The following KCNB2 variants were observed in gnomAD, a reference collection of about 807,000 sequenced individuals.
KCNB2 encodes delayed rectifier potassium channel protein.
A neutral mutation model predicts 61.5 loss-of-function variants in KCNB2; 15 were observed. That is an observed-to-expected ratio of 0.24 (90% confidence interval 0.16 to 0.38). The LOEUF is 0.38. Among genes scored for constraint, KCNB2 ranks in the 10% least tolerant of loss-of-function variants. The pLI, the probability that KCNB2 is intolerant of heterozygous loss-of-function variation, is 1.00. For missense variants in KCNB2, 828 were observed against 1,125.2 expected (o/e 0.74, Z 3.78); for synonymous variants, 457 against 446.0 (o/e 1.02, Z -0.31).
At chr8:72,669,015 T>C (rs1806521817) in intron 2 of KCNB2, among the ~76,000 whole-genome samples, 1 of 152,146 alleles carries the variant, frequency 6.6e-6, no homozygotes, top group South Asian at 2.1e-4. Context: ...AATTTGGCAT[T>C]CAAAGGTAAG....
rs1485463947 is a variant in KCNB2, at chr8:72,550,688, T to C, written c.-94+12803T>C. Among the ~76,000 whole-genome samples, 5 of 152,212 alleles carry C rather than the reference T, an allele frequency of 3.3e-5. No individual in the cohort carries two copies. The East Asian group carries it at 7.7e-4, about 23-fold the overall frequency. On this transcript the variant is annotated intron_variant, in intron 1 of 2. Coordinates refer to ENST00000523207, the MANE Select transcript of KCNB2 (RefSeq NM_004770.3). ...AGGTCTTAAGCTATGTGGTTCTTTTTACACTCCCTGCTCCTATTTTCTGAC... is the reference window on the plus strand; with the variant it reads ...AGGTCTTAAGCTATGTGGTTCTTTTCACACTCCCTGCTCCTATTTTCTGAC...
At chr8:72,929,881 T>C (rs1391844537) in intron 2 of KCNB2, among the ~76,000 whole-genome samples, 1 of 151,860 alleles carries the variant, frequency 6.6e-6, no homozygotes, top group African/African-American at 2.4e-5. Context: ...ACATATGCCA[T>C]GTTGGTGTGC....
chr8:72,560,180 C>T (rs1381040049), intron 1 of KCNB2, among the ~76,000 whole-genome samples: 4 of 152,146 alleles, frequency 2.6e-5, no homozygotes, highest in Non-Finnish European at 5.9e-5. Context: ...AGAAATAGTC[C>T]TTGTACATGA....
intron 2 of KCNB2, among the ~76,000 whole-genome samples, chr8:72,595,024 T>A (rs757831459): frequency 6.6e-6 from 1 of 152,152 alleles, no homozygotes; most frequent in Non-Finnish European, 1.5e-5. Flanking sequence ...GGATTGTTCT[T>A]CATAGTTTGA....
At chr8:72,564,567 T>G (rs7815552) in intron 1 of KCNB2, among the ~76,000 whole-genome samples, 4,228 of 152,294 alleles carry the variant, frequency 0.028, 190 homozygotes, top group African/African-American at 0.093. Flanking sequence ...GATTCATCAC[T>G]GGAATTGCCC....
intron 2 of KCNB2, among the ~76,000 whole-genome samples, chr8:72,793,161 G>A (rs1808974029): frequency 6.6e-6 from 1 of 152,154 alleles, no homozygotes; most frequent in African/African-American, 2.4e-5. Flanking sequence ...TCAAGTATTT[G>A]GTGAGAACCT....
intron 2 of KCNB2, among the ~76,000 whole-genome samples, chr8:72,804,893 T>C (rs903226617): frequency 1.2e-4 from 19 of 152,106 alleles, no homozygotes; most frequent in African/African-American, 4.6e-4. Context: ...GAAAAGGAAA[T>C]CCTGGACCCC....
chr8:72,592,951 AAG>A (rs1430609550), intron 2 of KCNB2, among the ~76,000 whole-genome samples: 1 of 152,220 alleles, frequency 6.6e-6, no homozygotes, highest in Non-Finnish European at 1.5e-5. Context: ...AAGCATTTAT[AAG>A]AGAATCTAAG....
intron 2 of KCNB2, among the ~76,000 whole-genome samples, chr8:72,718,364 C>T (rs958173490): frequency 2.0e-5 from 3 of 152,058 alleles, no homozygotes; most frequent in East Asian, 1.9e-4. Context: ...CACATGCACA[C>T]GTATGTTTAT....
intron 2 of KCNB2, among the ~76,000 whole-genome samples, chr8:72,636,855 A>C: frequency 6.6e-6 from 1 of 152,186 alleles, no homozygotes; most frequent in East Asian, 1.9e-4. Context: ...AAACAGCCAT[A>C]AAAGTCCGAT....
At chr8:72,928,023 GAA>G (rs1806689079) in intron 2 of KCNB2, among the ~76,000 whole-genome samples, 1 of 152,092 alleles carries the variant, frequency 6.6e-6, no homozygotes, top group South Asian at 2.1e-4. Context: ...ACAGGAAAAA[GAA>G]GAGTGTTATA....
chr8:72,718,850 A>G (rs1469488621), intron 2 of KCNB2, among the ~76,000 whole-genome samples: 3 of 152,140 alleles, frequency 2.0e-5, no homozygotes, highest in Non-Finnish European at 4.4e-5. Context: ...GAGTATTGTT[A>G]TGGGGTTCCT....
chr8:72,871,815 A>G (rs1371760194), intron 2 of KCNB2, among the ~76,000 whole-genome samples: 1 of 152,246 alleles, frequency 6.6e-6, no homozygotes, highest in Non-Finnish European at 1.5e-5. Context: ...TGTTACCTTT[A>G]CAGCTAAAAA....
chr8:72,671,032 T>C (rs1223634341), intron 2 of KCNB2, among the ~76,000 whole-genome samples: 2 of 152,198 alleles, frequency 1.3e-5, no homozygotes. Flanking sequence ...TGTACCTACA[T>C]AATAAAGTTA....
intron 2 of KCNB2, among the ~76,000 whole-genome samples, chr8:72,789,450 A>G (rs888856997): frequency 3.9e-5 from 6 of 152,168 alleles, no homozygotes; most frequent in Admixed American, 3.9e-4. Context: ...TGAACCATGG[A>G]AGATCTAACA....
intron 2 of KCNB2, among the ~76,000 whole-genome samples, chr8:72,737,418 A>C (rs962736897): frequency 6.6e-6 from 1 of 152,202 alleles, no homozygotes; most frequent in African/African-American, 2.4e-5. Flanking sequence ...TTACACCTTC[A>C]CAGCTTGTAA....
chr8:72,832,581 T>C (rs2129001962), intron 2 of KCNB2, among the ~76,000 whole-genome samples: 1 of 152,280 alleles, frequency 6.6e-6, no homozygotes, highest in South Asian at 2.1e-4. Flanking sequence ...AGACCTACAT[T>C]ATTTGTAAGT....
chr8:72,544,409 A>G lies in KCNB2; in HGVS notation c.-94+6524A>G, dbSNP rs576213725. Among the ~76,000 whole-genome samples, 41 of 152,320 alleles carry G rather than the reference A, an allele frequency of 2.7e-4. 1 individual carries two copies. In the South Asian group the frequency reaches 8.5e-3, roughly 32 times the overall value. On this transcript the variant is annotated intron_variant, in intron 1 of 2. Transcript: ENST00000523207. The stretch of plus-strand genomic sequence containing the variant: ...AAATTTTTAAAAAGTGGTGTAATCC[A>G]CTTTATTTTTGGCAACAATCTCTGA...
chr8:72,539,227 C>T (rs1033877029), intron 1 of KCNB2, among the ~76,000 whole-genome samples: 7 of 152,074 alleles, frequency 4.6e-5, no homozygotes, highest in South Asian at 2.1e-4. Flanking sequence ...CATGTGTATG[C>T]GCATTTAATT....
Sources: gnomAD v4.1 joint callset for allele counts (sites outside exome capture counted in the v4.1 genomes callset) on GRCh38, gnomAD v4.1.1 for gene constraint, MANE v1.5 for transcripts, NCBI Gene and HGNC (gene_info 2026-07-23, HGNC 2026-07-21) for gene names.